Variants in SLC35F1 observed in about 807,000 individuals in gnomAD.
SLC35F1 encodes solute carrier family 35 member F1, also known as chromosome 6 open reading frame 169.
SLC35F1 carries 14 observed loss-of-function variants against 48.7 expected under a neutral mutation model. The observed-to-expected ratio is 0.29, with a 90% CI of 0.19 to 0.45. The LOEUF (loss-of-function observed/expected upper bound fraction) is 0.45, where lower values mean the gene tolerates loss of function less well. Among genes scored for constraint, SLC35F1 ranks in the 20% least tolerant of loss-of-function variants. The pLI is 1.00. For missense variants in SLC35F1, 404 were observed against 500.0 expected (o/e 0.81, Z 1.83); for synonymous variants, 190 against 202.2 (o/e 0.94, Z 0.51).
intron 1 of SLC35F1, among the ~76,000 whole-genome samples, chr6:117,968,448 G>A (rs955532354): frequency 2.0e-5 from 3 of 152,204 alleles, no homozygotes; most frequent in Non-Finnish European, 4.4e-5. Flanking sequence ...GAGCAGTAGG[G>A]AGGGATAGAA....
intron 2 of SLC35F1, among the ~76,000 whole-genome samples, chr6:118,197,714 T>C (rs1562322431): frequency 6.6e-6 from 1 of 151,910 alleles, no homozygotes; most frequent in Non-Finnish European, 1.5e-5. Context: ...TTTCTTTCTT[T>C]TTTTTTTTGA....
At chr6:118,267,199 G>A in intron 4 of SLC35F1, 45 bp downstream of exon 4, 3 of 1,606,362 alleles carry the variant, frequency 1.9e-6, no homozygotes, top group Non-Finnish European at 2.6e-6. Flanking sequence ...CTGCGGGTGA[G>A]GCCAAGGCAA....
chr6:118,119,203 G>T (rs1238488269), intron 1 of SLC35F1, among the ~76,000 whole-genome samples: 2 of 151,942 alleles, frequency 1.3e-5, no homozygotes, highest in Admixed American at 6.6e-5. Context: ...ATTTAAAATA[G>T]GATGCTTATA....
rs551263188 is a variant in SLC35F1 at position 117,966,330 on chromosome 6, G to A, written c.173+58431G>A. On this transcript the variant is annotated intron_variant, in intron 1 of 7. Coordinates refer to ENST00000360388, the MANE Select transcript of SLC35F1 (RefSeq NM_001029858.4). ...TCGCTCCTGAAGTCAGCGAGACCAC[G>A]AACCCACCGGCAGGAACTAACAACT... is the stretch of plus-strand genomic sequence containing the variant. Among the ~76,000 whole-genome samples the A allele has an allele frequency of 8.5e-5, 13 of 152,240 alleles. No individual in the cohort carries two copies. In the South Asian group the frequency reaches 2.3e-3, roughly 27 times the overall value.
intron 1 of SLC35F1, among the ~76,000 whole-genome samples, chr6:118,008,232 A>G (rs1454078224): frequency 6.6e-6 from 1 of 151,810 alleles, no homozygotes; most frequent in Non-Finnish European, 1.5e-5. Context: ...AATATGTACA[A>G]CTGTTATATA....
At chr6:118,113,236 G>A (rs1423205779) in intron 1 of SLC35F1, among the ~76,000 whole-genome samples, 1 of 152,116 alleles carries the variant, frequency 6.6e-6, no homozygotes, top group Non-Finnish European at 1.5e-5. Context: ...GCAAGTGTGT[G>A]CCACCACACT....
At chr6:118,054,459 G>T (rs1237596485) in intron 1 of SLC35F1, among the ~76,000 whole-genome samples, 2 of 152,140 alleles carry the variant, frequency 1.3e-5, no homozygotes. Flanking sequence ...AAATATAAAG[G>T]TTATTTTCCA....
At chr6:118,049,441 GA>G (rs1772351617) in intron 1 of SLC35F1, among the ~76,000 whole-genome samples, 1 of 151,684 alleles carries the variant, frequency 6.6e-6, no homozygotes, top group Non-Finnish European at 1.5e-5. Context: ...CACAAAATGG[GA>G]AAAAATTTTT....
chr6:118,116,293 A>G (rs188926671), intron 1 of SLC35F1, among the ~76,000 whole-genome samples: 18 of 152,318 alleles, frequency 1.2e-4, no homozygotes, highest in African/African-American at 4.1e-4. Flanking sequence ...TTAGGAAAGC[A>G]TACCTAGAGA....
At chr6:118,235,704 T>C in intron 3 of SLC35F1, 68 bp downstream of exon 3, 1 of 1,538,458 alleles carries the variant, frequency 6.5e-7, no homozygotes, top group Non-Finnish European at 8.8e-7. Flanking sequence ...AGTTTAGTCC[T>C]TGAAAATCTC....
At chr6:118,179,021 T>C (rs1239064104) in intron 2 of SLC35F1, among the ~76,000 whole-genome samples, 1 of 152,142 alleles carries the variant, frequency 6.6e-6, no homozygotes, top group Non-Finnish European at 1.5e-5. Context: ...TTTAAATTAA[T>C]GTTTCCCCTG....
chr6:117,937,975 A>C (rs768546015), intron 1 of SLC35F1, among the ~76,000 whole-genome samples: 4 of 152,098 alleles, frequency 2.6e-5, no homozygotes, highest in Non-Finnish European at 4.4e-5. Context: ...ACCATACTTC[A>C]GGGCATAATT....
At chr6:118,156,210 T>C (rs978963900) in intron 2 of SLC35F1, among the ~76,000 whole-genome samples, 7 of 146,330 alleles carry the variant, frequency 4.8e-5, no homozygotes, top group Non-Finnish European at 7.8e-5. Context: ...TTTTGAATGA[T>C]GTAAATGTGT....
At chr6:117,983,427 A>C (rs1226829893) in intron 1 of SLC35F1, among the ~76,000 whole-genome samples, 1 of 152,092 alleles carries the variant, frequency 6.6e-6, no homozygotes, top group Admixed American at 6.5e-5. Flanking sequence ...ATACAAAAAA[A>C]TTAGTCGGGT....
At chr6:117,945,605 T>G (rs1412959530) in intron 1 of SLC35F1, among the ~76,000 whole-genome samples, 1 of 152,224 alleles carries the variant, frequency 6.6e-6, no homozygotes, top group Non-Finnish European at 1.5e-5. Flanking sequence ...TAAAAGTTAG[T>G]AGCAGCATTC....
chr6:118,242,547 G>C (rs1400022573), intron 3 of SLC35F1, among the ~76,000 whole-genome samples: 2 of 152,202 alleles, frequency 1.3e-5, no homozygotes, highest in African/African-American at 2.4e-5. Context: ...AGATGCATTT[G>C]TAGGCTTGTG....
At chr6:118,262,011 G>T (rs1281621282) in intron 3 of SLC35F1, among the ~76,000 whole-genome samples, 1 of 152,134 alleles carries the variant, frequency 6.6e-6, no homozygotes, top group African/African-American at 2.4e-5. Context: ...AAAATATTCT[G>T]TAAAACCGGG....
intron 7 of SLC35F1, among the ~76,000 whole-genome samples, chr6:118,305,930 G>A (rs1776306766): frequency 6.6e-6 from 1 of 152,092 alleles, no homozygotes; most frequent in South Asian, 2.1e-4. Flanking sequence ...TTTCTGAAGG[G>A]TCAAGTACAC....
At chr6:117,996,662 A>C (rs923132451) in intron 1 of SLC35F1, among the ~76,000 whole-genome samples, 1 of 152,340 alleles carries the variant, frequency 6.6e-6, no homozygotes, top group African/African-American at 2.4e-5. Flanking sequence ...GCTGATACCC[A>C]GGCACACAGG....
Sources: allele counts gnomAD v4.1 joint callset (sites outside exome capture counted in the v4.1 genomes callset), GRCh38; gene constraint gnomAD v4.1.1; transcripts MANE v1.5; gene names NCBI Gene and HGNC (gene_info 2026-07-23, HGNC 2026-07-21).